Variants in ZFR observed in about 807,000 individuals in gnomAD.
ZFR encodes the protein zinc finger RNA binding protein.
A neutral mutation model predicts 130.7 loss-of-function variants in ZFR; 19 were observed. That is an observed-to-expected ratio of 0.15 (90% CI 0.10 to 0.21). The LOEUF is 0.21. Ranked by LOEUF, ZFR falls within the 10% of genes least tolerant of loss-of-function variation. The pLI, the probability that ZFR is intolerant of heterozygous loss-of-function variation, is 1.00. For missense variants in ZFR, 872 were observed against 1,321.5 expected, an observed-to-expected ratio of 0.66 and a Z score of 5.27; for synonymous variants, 466 against 456.9, an observed-to-expected ratio of 1.02 and a Z score of -0.25.
At position 32,355,631 on chromosome 5, in the gene ZFR, A is replaced by G; in HGVS notation, c.*129T>C. The G allele has an allele frequency of 1.1e-6, 1 of 870,990 alleles. No homozygotes were observed. The highest frequency in any genetic ancestry group is 2.3e-5 in the South Asian group (1 of 42,716). The allele number at this position is 870,990 out of a possible 1,614,324, so 54.0% of individuals were successfully genotyped here. On this transcript the variant is annotated 3_prime_UTR_variant, in exon 20 of 20. Coordinates refer to ENST00000265069, the MANE Select transcript of ZFR (RefSeq NM_016107.5). ...CACTGTACATTTTTTAATATCATAG[A>G]AAAACTTGGTTCTTCCATGAAATCC... is the stretch of plus-strand genomic sequence containing the variant.
intron 10 of ZFR, among the ~76,000 whole-genome samples, chr5:32,395,821 A>T (rs998605971): frequency 6.6e-6 from 1 of 152,120 alleles, no homozygotes; most frequent in African/African-American, 2.4e-5. Flanking sequence ...AGCTTACTTT[A>T]TTCTAAGAAT....
chr5:32,424,338 T>C (rs1325645659), intron 2 of ZFR, among the ~76,000 whole-genome samples: 2 of 152,102 alleles, frequency 1.3e-5, no homozygotes, highest in African/African-American at 2.4e-5. Flanking sequence ...GGTCAGGAGA[T>C]AGAGACCACG....
At position 32,390,145 on chromosome 5, in the gene ZFR, ACT is replaced by A. The variant is rs1465930070; in HGVS notation, c.2142+128_2142+129del. ...ACTCCAGCCTGGGCGACAGAGCAAG[ACT>A]CTGTCTCAAAAAAACTACCAAGATT... On this transcript the variant is annotated intron_variant, in intron 12 of 19. Transcript: ENST00000265069. The A allele has an allele frequency of 2.5e-5, 30 of 1,222,120 alleles. No homozygotes were observed. The East Asian group carries it at 4.3e-4, about 18-fold the overall frequency. The allele number at this position is 1,222,120 out of a possible 1,614,324, so 75.7% of individuals were successfully genotyped here.
At chr5:32,393,789 G>A (rs544811049) in intron 11 of ZFR, among the ~76,000 whole-genome samples, 4 of 152,140 alleles carry the variant, frequency 2.6e-5, no homozygotes, top group Non-Finnish European at 5.9e-5. Context: ...AGACATGTGA[G>A]CATCCTTCAA....
At chr5:32,395,764 T>A (rs1191831872) in intron 10 of ZFR, among the ~76,000 whole-genome samples, 1 of 152,222 alleles carries the variant, frequency 6.6e-6, no homozygotes, top group African/African-American at 2.4e-5. Context: ...TAATGAATAG[T>A]AAATATTTTG....
chr5:32,429,974 C>T (rs997426910), intron 2 of ZFR, among the ~76,000 whole-genome samples: 7 of 149,520 alleles, frequency 4.7e-5, no homozygotes, highest in Non-Finnish European at 7.4e-5. Flanking sequence ...AGGAGGACTG[C>T]TTGAACCCAG....
chr5:32,370,861 T>C (rs1752656348), intron 17 of ZFR, among the ~76,000 whole-genome samples: 1 of 152,204 alleles, frequency 6.6e-6, no homozygotes, highest in Non-Finnish European at 1.5e-5. Context: ...CAGAACACCA[T>C]TTTCAATCCT....
intron 9 of ZFR, among the ~76,000 whole-genome samples, 178 bp downstream of exon 9, chr5:32,399,829 G>A (rs1753405642): frequency 6.6e-6 from 1 of 152,112 alleles, no homozygotes; most frequent in Admixed American, 6.5e-5. Context: ...TCATTATGAT[G>A]TCACTTAGGC....
chr5:32,404,689 G>A (rs1386599043), intron 6 of ZFR, among the ~76,000 whole-genome samples: 1 of 152,170 alleles, frequency 6.6e-6, no homozygotes, highest in Non-Finnish European at 1.5e-5. Context: ...AGTTACATTA[G>A]CCAATAAATA....
At chr5:32,401,233 G>A (rs1015515023) in intron 8 of ZFR, among the ~76,000 whole-genome samples, 1 of 152,100 alleles carries the variant, frequency 6.6e-6, no homozygotes, top group African/African-American at 2.4e-5. Context: ...ATCTGGATAC[G>A]GCGCTAAGTT....
At chr5:32,442,473 ACT>A (rs1324792889) in intron 2 of ZFR, among the ~76,000 whole-genome samples, 4 of 152,232 alleles carry the variant, frequency 2.6e-5, no homozygotes, top group Admixed American at 6.5e-5. Context: ...AGTAGCTGAA[ACT>A]TTTTTTGTCT....
intron 10 of ZFR, among the ~76,000 whole-genome samples, chr5:32,396,272 T>G (rs1463979520): frequency 6.6e-6 from 1 of 152,018 alleles, no homozygotes; most frequent in Non-Finnish European, 1.5e-5. Flanking sequence ...ACCTCCATGT[T>G]GTTCAAGGGT....
intron 19 of ZFR, among the ~76,000 whole-genome samples, chr5:32,357,826 T>C (rs1281527141): frequency 1.3e-5 from 2 of 152,242 alleles, no homozygotes; most frequent in African/African-American, 4.8e-5. Flanking sequence ...TAGCCAGTTA[T>C]CTCAATACCA....
rs201115882 is a variant in ZFR at position 32,411,709 on chromosome 5, A to AGGGGGGG, written c.784+3253_784+3259dup. 4.4e-4 allele frequency among the ~76,000 whole-genome samples: 32 copies of AGGGGGGG among 73,086 alleles called. 1 individual carries two copies. The highest frequency in any genetic ancestry group is 1.9e-3 in the African/African-American group (27 of 14,176). 47.9% of individuals were successfully genotyped at this position (73,086 alleles called of 152,430 possible). On this transcript the variant is annotated intron_variant, in intron 5 of 19. Transcript: ENST00000265069. ...GTCTCAAAAAAAAAAAAAAAAATTG[A>AGGGGGGG]GGGGGGGCGGGGAATAGAAAATATA...
chr5:32,400,334 A>G (rs1268871986), intron 8 of ZFR, 131 bp from the exon 9 acceptor site: 1 of 608,882 alleles, frequency 1.6e-6, no homozygotes, highest in Non-Finnish European at 2.5e-6. Flanking sequence ...AACAGATGAG[A>G]ATTTTGAAGA....
At chr5:32,401,341 A>G (rs1054776494) in intron 8 of ZFR, among the ~76,000 whole-genome samples, 1 of 152,250 alleles carries the variant, frequency 6.6e-6, no homozygotes, top group African/African-American at 2.4e-5. Context: ...TAAGCACTAT[A>G]AGAAGTATGG....
chr5:32,402,767 G>T (rs1278716925), intron 8 of ZFR, among the ~76,000 whole-genome samples: 1 of 143,122 alleles, frequency 7.0e-6, no homozygotes, highest in Non-Finnish European at 1.5e-5. Flanking sequence ...GACAGAGTGG[G>T]GCTCTGTCTC....
At chr5:32,365,698 A>C (rs1330579610) in intron 17 of ZFR, among the ~76,000 whole-genome samples, 1 of 150,628 alleles carries the variant, frequency 6.6e-6, no homozygotes, top group Non-Finnish European at 1.5e-5. Flanking sequence ...CTTGAGCCCA[A>C]GAGCTTGAGG....
intron 10 of ZFR, among the ~76,000 whole-genome samples, chr5:32,395,884 CTG>C (rs1199494265): frequency 6.6e-6 from 1 of 151,978 alleles, no homozygotes; most frequent in African/African-American, 2.4e-5. Flanking sequence ...ATAAAAATAA[CTG>C]TTTATGTTAT....
Sources: allele counts gnomAD v4.1 joint callset (sites outside exome capture counted in the v4.1 genomes callset), GRCh38; gene constraint gnomAD v4.1.1; transcripts MANE v1.5; gene names NCBI Gene and HGNC (gene_info 2026-07-23, HGNC 2026-07-21).